Variants in RIC8B observed in about 807,000 individuals in gnomAD.
RIC8B encodes chaperone Ric-8B.
RIC8B carries 16 observed loss-of-function variants against 57.5 expected under a neutral mutation model. The ratio of observed to expected loss-of-function variants is 0.28; its 90% CI spans 0.19 to 0.42. The LOEUF is 0.42. Among genes scored for constraint, RIC8B ranks in the 10% least tolerant of loss-of-function variants. The pLI is 1.00. For synonymous variants in RIC8B, 216 were observed against 250.8 expected (o/e 0.86, Z 1.31); for missense variants, 481 against 677.0 (o/e 0.71, Z 3.21).
intron 1 of RIC8B, among the ~76,000 whole-genome samples, chr12:106,779,766 A>G (rs1308027426): frequency 6.7e-6 from 1 of 150,230 alleles, no homozygotes; most frequent in African/African-American, 2.5e-5. Flanking sequence ...GTTGGGTCCT[A>G]ATCACCTCAA....
chr12:106,821,576 A>T (rs2045842432), intron 3 of RIC8B, among the ~76,000 whole-genome samples: 1 of 152,216 alleles, frequency 6.6e-6, no homozygotes, highest in Admixed American at 6.5e-5. Context: ...AACATTTCTT[A>T]TATGAGCAAA....
intron 2 of RIC8B, among the ~76,000 whole-genome samples, chr12:106,806,184 T>C (rs2045009160): frequency 6.6e-6 from 1 of 152,148 alleles, no homozygotes; most frequent in Non-Finnish European, 1.5e-5. Context: ...CGACCTCAGG[T>C]GATCCGCCCA....
rs1305375834 is a variant in RIC8B at position 106,790,477 on chromosome 12, G to A, written c.132+6433G>A. 3.3e-5 allele frequency among the ~76,000 whole-genome samples: 5 copies of A among 152,168 alleles called. No individual in the cohort carries two copies. The South Asian group carries it at 6.2e-4, about 19-fold the overall frequency. On this transcript the variant is annotated intron_variant, in intron 2 of 9. Coordinates refer to ENST00000392837, the MANE Select transcript of RIC8B (RefSeq NM_001330145.2). Reference sequence around the variant, plus strand: ...TGGATCATTGTATACTTAGATAAAAGCACCTGTGTTTATTGAAGCATTTGC... The same window carrying A: ...TGGATCATTGTATACTTAGATAAAAACACCTGTGTTTATTGAAGCATTTGC...
intron 8 of RIC8B, among the ~76,000 whole-genome samples, chr12:106,865,854 ATG>A (rs1950117208): frequency 6.6e-6 from 1 of 152,128 alleles, no homozygotes; most frequent in African/African-American, 2.4e-5. Flanking sequence ...CCTCTTTACT[ATG>A]TGTCAGGCAC....
chr12:106,777,118 C>G (rs904277632), intron 1 of RIC8B, among the ~76,000 whole-genome samples: 2 of 152,214 alleles, frequency 1.3e-5, no homozygotes, highest in Non-Finnish European at 2.9e-5. Flanking sequence ...TCACCTTGGC[C>G]TCCCAAAGTA....
chr12:106,809,698 T>A (rs893158536), intron 2 of RIC8B, among the ~76,000 whole-genome samples: 1 of 150,324 alleles, frequency 6.7e-6, no homozygotes, highest in African/African-American at 2.5e-5. Flanking sequence ...AAAAAAAAAA[T>A]TTATGGATAC....
chr12:106,870,795 A>T, intron 8 of RIC8B, 28 bp from the exon 9 acceptor site: 3 of 1,467,072 alleles, frequency 2.0e-6, no homozygotes, highest in Non-Finnish European at 2.7e-6. Flanking sequence ...TTTAAAACAT[A>T]CAGCATAACT....
At chr12:106,824,847 C>T (rs1044873292) in intron 3 of RIC8B, among the ~76,000 whole-genome samples, 2 of 151,244 alleles carry the variant, frequency 1.3e-5, no homozygotes, top group Non-Finnish European at 2.9e-5. Context: ...GCGGAGGTTG[C>T]GGTGAGCCGA....
chr12:106,796,551 C>G (rs568534420), intron 2 of RIC8B, among the ~76,000 whole-genome samples: 1 of 152,230 alleles, frequency 6.6e-6, no homozygotes, highest in South Asian at 2.1e-4. Context: ...TCAACTGAAT[C>G]AAAGACCCAA....
intron 6 of RIC8B, among the ~76,000 whole-genome samples, chr12:106,847,449 C>T (rs1315751346): frequency 6.6e-6 from 1 of 152,230 alleles, no homozygotes; most frequent in Non-Finnish European, 1.5e-5. Context: ...AAATGGGAGA[C>T]GTACTAAGTA....
chr12:106,870,608 T>G (rs1950361561), intron 8 of RIC8B, among the ~76,000 whole-genome samples: 1 of 151,970 alleles, frequency 6.6e-6, no homozygotes, highest in East Asian at 1.9e-4. Context: ...ACAGTTTTCG[T>G]TTTTTAAAAA....
intron 4 of RIC8B, among the ~76,000 whole-genome samples, chr12:106,832,680 G>A (rs1159927488): frequency 6.6e-6 from 1 of 152,114 alleles, no homozygotes; most frequent in Admixed American, 6.5e-5. Flanking sequence ...ATAAATATTA[G>A]TTGGATGAAG....
chr12:106,792,234 C>T (rs1011189941), intron 2 of RIC8B, among the ~76,000 whole-genome samples: 1 of 152,146 alleles, frequency 6.6e-6, no homozygotes. Context: ...GAATGCTTCA[C>T]GGTAGGTCAA....
intron 8 of RIC8B, chr12:106,868,174 C>G (rs541280943): frequency 3.6e-5 from 14 of 385,168 alleles, no homozygotes; most frequent in Non-Finnish European, 4.7e-5. Flanking sequence ...GCTGTGGTGC[C>G]CACAATAAGC....
At chr12:106,840,462 GCAGA>G (rs2046818181) in intron 4 of RIC8B, among the ~76,000 whole-genome samples, 2 of 152,114 alleles carry the variant, frequency 1.3e-5, no homozygotes, top group Non-Finnish European at 2.9e-5. Context: ...ACACTATTGT[GCAGA>G]TCTGTGCATA....
In RIC8B at chr12:106,793,637, A is replaced by G. The variant is rs2044352608; in HGVS notation, c.132+9593A>G. Among the ~76,000 whole-genome samples the G allele has an allele frequency of 4.6e-5, 7 of 152,192 alleles. No homozygotes were observed. In the South Asian group the frequency reaches 1.5e-3, roughly 32 times the overall value. ...TTTGAAGACAGTAGATCAGTCAACC[A>G]GCAATTAGTGTCACATAAGAGCTGT... On this transcript the variant is annotated intron_variant, in intron 2 of 9. Transcript: ENST00000392837.
At chr12:106,851,188 C>T (rs538927365) in intron 6 of RIC8B, among the ~76,000 whole-genome samples, 4 of 151,920 alleles carry the variant, frequency 2.6e-5, no homozygotes, top group Admixed American at 6.6e-5. Context: ...AACAAAAACT[C>T]GGAAATTCTC....
chr12:106,783,263 C>CT (rs1304763556), intron 1 of RIC8B, among the ~76,000 whole-genome samples: 64 of 152,062 alleles, frequency 4.2e-4, no homozygotes, highest in African/African-American at 1.3e-3. Flanking sequence ...CATGCCTTAG[C>CT]TTTTTTTTAA....
At chr12:106,838,121 T>A (rs1316323049) in intron 4 of RIC8B, among the ~76,000 whole-genome samples, 1 of 152,138 alleles carries the variant, frequency 6.6e-6, no homozygotes, top group Non-Finnish European at 1.5e-5. Flanking sequence ...AGTTTTTGTA[T>A]TGGCATAAAA....
Sources: gnomAD v4.1 joint callset for allele counts (sites outside exome capture counted in the v4.1 genomes callset) on GRCh38, gnomAD v4.1.1 for gene constraint, MANE v1.5 for transcripts, NCBI Gene and HGNC (gene_info 2026-07-23, HGNC 2026-07-21) for gene names.